ECPAS: variants seen among roughly 807,000 people sequenced by gnomAD.
The protein encoded by ECPAS is proteasome adapter and scaffold protein ECM29.
ECPAS carries 70 observed loss-of-function variants against 255.1 expected under a neutral mutation model. The observed-to-expected ratio is 0.27, with a 90% CI of 0.23 to 0.33. The LOEUF is 0.33. ECPAS is among the 10% of genes least tolerant of loss of function. ECPAS has a pLI of 1.00. For missense variants in ECPAS, 1,817 were observed against 2,206.4 expected (o/e 0.82, Z 3.54); for synonymous variants, 784 against 775.0 (o/e 1.01, Z -0.19).
chr9:111,366,467 C>A, intron 47 of ECPAS, 55 bp downstream of exon 47: 1 of 1,388,728 alleles, frequency 7.2e-7, no homozygotes, highest in Non-Finnish European at 1.0e-6. Context: ...ATTGATTATA[C>A]ATAAAATGCT....
At chr9:111,476,127 G>C (rs1265685135) in intron 1 of ECPAS, among the ~76,000 whole-genome samples, 1 of 152,176 alleles carries the variant, frequency 6.6e-6, no homozygotes, top group Admixed American at 6.5e-5. Flanking sequence ...TGGTCAAATT[G>C]AATAGTGCAT....
intron 37 of ECPAS, among the ~76,000 whole-genome samples, chr9:111,375,776 C>T (rs1429001590): frequency 6.6e-6 from 1 of 152,068 alleles, no homozygotes; most frequent in Admixed American, 6.5e-5. Flanking sequence ...GGTAATACTC[C>T]CCCAGCAGGC....
At position 111,361,972 on chromosome 9, in the gene ECPAS, A is replaced by C. The variant is rs575954183; in HGVS notation, c.*58T>G. ...TTTTTCCCACTTGGTTTTTCAAAGA[A>C]CACCACCACTTCAACCCCCAATGAA... On this transcript the variant is annotated 3_prime_UTR_variant, in exon 50 of 50. Transcript: ENST00000684092. The C allele has an allele frequency of 4.6e-4, 718 of 1,575,630 alleles. No homozygotes were observed. The highest frequency in any genetic ancestry group is 5.5e-4 in the Non-Finnish European group (640 of 1,160,496).
At chr9:111,473,289 T>C (rs1685338256) in intron 1 of ECPAS, among the ~76,000 whole-genome samples, 1 of 152,226 alleles carries the variant, frequency 6.6e-6, no homozygotes, top group Non-Finnish European at 1.5e-5. Context: ...TTATCATATA[T>C]GTATATGTGT....
intron 46 of ECPAS, among the ~76,000 whole-genome samples, chr9:111,367,884 CA>C (rs1420366734): frequency 6.6e-6 from 1 of 151,400 alleles, no homozygotes; most frequent in South Asian, 2.1e-4. Context: ...CTCACCTCTT[CA>C]AAAAAAATTT....
intron 15 of ECPAS, 100 bp from the exon 16 acceptor site, chr9:111,420,220 CTGT>C (rs2098211346): frequency 1.4e-6 from 1 of 705,688 alleles, no homozygotes; most frequent in Non-Finnish European, 2.5e-6. Context: ...GTCTTCCTAA[CTGT>C]AAACAATTCA....
In ECPAS at chr9:111,383,238, C is replaced by T. The variant is rs757728227; in HGVS notation, c.3776G>A (p.Ser1259Asn). Residue 1259 changes from serine to asparagine, a missense_variant, in exon 35 of 50, where the codon AGC (serine) becomes AAC (asparagine). By Grantham distance (46) the Ser-to-Asn change is conservative. Transcript: ENST00000684092. ...LPCLLDKGMMSTVTEVRALSI... is the reference protein window; with the variant it reads ...LPCLLDKGMMNTVTEVRALSI... Reference sequence around the variant, plus strand: ...GAGGGCTCGAACTTCCGTCACGGTGCTCATCATTCCTTTGTCCAGAAGGCA... The same window carrying T: ...GAGGGCTCGAACTTCCGTCACGGTGTTCATCATTCCTTTGTCCAGAAGGCA... The T allele has an allele frequency of 6.2e-6, 10 of 1,613,832 alleles. No homozygotes were observed. In the Admixed American group the frequency reaches 1.3e-4, roughly 22 times the overall value.
At chr9:111,372,707 A>AG in intron 41 of ECPAS, 87 bp from the exon 42 acceptor site, 1 of 1,020,416 alleles carries the variant, frequency 9.8e-7, no homozygotes, top group Non-Finnish European at 1.4e-6. Context: ...CTCATATAAT[A>AG]GCAAAACAAA....
chr9:111,423,488 A>G (rs1054821379), intron 12 of ECPAS, among the ~76,000 whole-genome samples: 1 of 152,200 alleles, frequency 6.6e-6, no homozygotes, highest in Non-Finnish European at 1.5e-5. Flanking sequence ...TGCATCCCCA[A>G]TCGCTCCAAA....
rs745429870 is a variant in ECPAS at position 111,390,069 on chromosome 9, G to A, written c.3194C>T (p.Ser1065Phe). The change falls in exon 30 of 50, where the codon TCT becomes TTT. Residue 1065 changes from serine to phenylalanine, a missense_variant. Ser to Phe is a radical substitution (Grantham distance 155). This residue lies in a region of ECPAS where 960 missense variants were observed against 1,179.0 expected (regional missense o/e 0.81). Transcript: ENST00000684092. ...TGGCTGGCTAAGATCACTTGCCAGA[G>A]AACAAAGTTCCTTGTAAGTAGAAAG... is the stretch of plus-strand genomic sequence containing the variant. ...QGLSTYKELC[S>F]LASDLSQPDL... 6.3e-7 allele frequency: 1 copy of A among 1,594,898 alleles called. No homozygotes were observed. Among genetic ancestry groups the A allele is most frequent in the South Asian group, 1.1e-5 (1 of 88,912 alleles).
intron 23 of ECPAS, among the ~76,000 whole-genome samples, chr9:111,409,075 G>A (rs1309199507): frequency 6.6e-6 from 1 of 152,164 alleles, no homozygotes; most frequent in African/African-American, 2.4e-5. Flanking sequence ...ATCTCACATA[G>A]AGATGACAAC....
At chr9:111,378,470 G>C (rs1490695801) in intron 36 of ECPAS, 110 bp downstream of exon 36, 3 of 1,102,142 alleles carry the variant, frequency 2.7e-6, no homozygotes, top group Non-Finnish European at 3.8e-6. Flanking sequence ...TGTGGTGACA[G>C]AGGGTGAGTT....
intron 31 of ECPAS, 109 bp downstream of exon 31, chr9:111,389,447 C>A: frequency 1.0e-6 from 1 of 988,628 alleles, no homozygotes; most frequent in East Asian, 2.7e-5. Context: ...TTTGTTTAAA[C>A]AAGTAAACAT....
At position 111,361,836 on chromosome 9, in the gene ECPAS, C is replaced by A. The variant is rs1431337233; in HGVS notation, c.*194G>T. On this transcript the variant is annotated 3_prime_UTR_variant, in exon 50 of 50. Coordinates refer to ENST00000684092, the MANE Select transcript of ECPAS (RefSeq NM_001364929.1). ...CCAAGGTTCCATTAAGCTCACTCAGCCCAGATACTTTAAAAACATAAAGTA... is the reference window on the plus strand; with the variant it reads ...CCAAGGTTCCATTAAGCTCACTCAGACCAGATACTTTAAAAACATAAAGTA... 1 of 548,684 alleles carries A rather than the reference C, an allele frequency of 1.8e-6. No homozygotes were observed. Among genetic ancestry groups the A allele is most frequent in the Non-Finnish European group, 3.0e-6 (1 of 335,514 alleles). The allele number at this position is 548,684 out of a possible 1,614,324, so 34.0% of individuals were successfully genotyped here.
At chr9:111,476,166 CATGA>C (rs2098296014) in intron 1 of ECPAS, among the ~76,000 whole-genome samples, 1 of 152,216 alleles carries the variant, frequency 6.6e-6, no homozygotes, top group African/African-American at 2.4e-5. Flanking sequence ...GTTGCTCCTT[CATGA>C]GTTGCCTTTA....
In ECPAS at chr9:111,420,117, C is replaced by T. The variant is rs1040631715; in HGVS notation, c.1459G>A (p.Glu487Lys). 2.5e-6 allele frequency: 4 copies of T among 1,610,430 alleles called. No homozygotes were observed. The African/African-American group carries it at 5.4e-5, about 22-fold the overall frequency. Residue 487 changes from glutamate to lysine, a missense_variant, in exon 16 of 50, where the codon GAA (glutamate) becomes AAA (lysine). Transcript: ENST00000684092. ...ACAGCCACTTGTCGAACTTGAACTT[C>T]AGGCTATTTCATGTGTAAACATACA... ...ALVASYLIKP[E>K]VQVRQVAVKF...
intron 15 of ECPAS, 90 bp from the exon 16 acceptor site, chr9:111,420,210 G>A (rs16916082): frequency 1.1e-5 from 9 of 802,114 alleles, no homozygotes; most frequent in Non-Finnish European, 1.9e-5. Context: ...ATCAAGATGA[G>A]TCTTCCTAAC....
chr9:111,459,146 T>C lies in ECPAS; in HGVS notation c.23-7591A>G, dbSNP rs138435777. On this transcript the variant is annotated intron_variant, in intron 2 of 49. Coordinates refer to ENST00000684092, the MANE Select transcript of ECPAS (RefSeq NM_001364929.1). ...TATATGATATAAAATATTTTCCATA[T>C]GTTATATAAATATTGTATATAATTA... 2.4e-3 allele frequency among the ~76,000 whole-genome samples: 370 copies of C among 152,320 alleles called. 1 individual carries two copies. Among genetic ancestry groups the C allele is most frequent in the Non-Finnish European group, 2.6e-3 (178 of 68,032 alleles).
At position 111,384,519 on chromosome 9, in the gene ECPAS, C is replaced by T; in HGVS notation, c.3681+3G>A. 6.2e-7 allele frequency: 1 copy of T among 1,613,584 alleles called. No individual in the cohort carries two copies. Among genetic ancestry groups the T allele is most frequent in the South Asian group, 1.1e-5 (1 of 91,076 alleles). ...CATTCCCAATGTAAGACGGGGTTTT[C>T]ACCTTGCTCAGAGTTTTCAGAGCTA... On this transcript the variant is annotated splice_donor_region_variant and intron_variant, in intron 34 of 49. Transcript: ENST00000684092.
Sources: gnomAD v4.1 joint callset for allele counts (sites outside exome capture counted in the v4.1 genomes callset) on GRCh38, gnomAD v4.1.1 for gene constraint, gnomAD v4.1.1 regional missense constraint, MANE v1.5 for transcripts, NCBI Gene and HGNC (gene_info 2026-07-23, HGNC 2026-07-21) for gene names.